The following TANC1 variants were observed in gnomAD, a reference collection of about 807,000 sequenced individuals.
TANC1 encodes the protein protein TANC1.
TANC1 carries 77 observed loss-of-function variants against 149.7 expected under a neutral mutation model. The observed-to-expected ratio is 0.51, with a 90% confidence interval of 0.43 to 0.62. TANC1 has a LOEUF of 0.62. Ranked by LOEUF, TANC1 falls within the 20% of genes least tolerant of loss-of-function variation. The pLI, the probability that TANC1 is intolerant of heterozygous loss-of-function variation, is 0.00. For missense variants in TANC1, 1,985 were observed against 2,321.8 expected (o/e 0.85, Z 2.98); for synonymous variants, 854 against 925.0 (o/e 0.92, Z 1.39).
chr2:159,018,386 A>C (rs2038483678), intron 2 of TANC1, among the ~76,000 whole-genome samples: 2 of 152,198 alleles, frequency 1.3e-5, no homozygotes, highest in African/African-American at 4.8e-5. Flanking sequence ...CTTATAGTGC[A>C]TTGGGGGTCT....
intron 16 of TANC1, among the ~76,000 whole-genome samples, chr2:159,189,223 G>C (rs923307542): frequency 1.3e-5 from 2 of 152,248 alleles, no homozygotes; most frequent in Non-Finnish European, 2.9e-5. Context: ...TCTGCTGTAG[G>C]CACCTGGGAA....
chr2:159,099,194 T>C (rs1268242456), intron 4 of TANC1, among the ~76,000 whole-genome samples: 1 of 152,210 alleles, frequency 6.6e-6, no homozygotes, highest in Non-Finnish European at 1.5e-5. Context: ...AATCCATTAA[T>C]TAGCTGGAAC....
intron 7 of TANC1, among the ~76,000 whole-genome samples, chr2:159,152,989 C>T (rs1462732240): frequency 1.4e-5 from 2 of 141,864 alleles, no homozygotes; most frequent in South Asian, 4.5e-4. Context: ...ACTGATTAGA[C>T]CCCTCTTACA....
chr2:159,195,321 T>C (rs1031402353), intron 17 of TANC1, among the ~76,000 whole-genome samples: 14 of 152,210 alleles, frequency 9.2e-5, no homozygotes, highest in Non-Finnish European at 8.8e-5. Context: ...GGTTTCACCA[T>C]GTTGGCCAGG....
chr2:158,997,735 T>C (rs746014236), intron 1 of TANC1, among the ~76,000 whole-genome samples: 1 of 152,134 alleles, frequency 6.6e-6, no homozygotes, highest in Non-Finnish European at 1.5e-5. Context: ...GTCCAAGATA[T>C]AAAATAAATA....
chr2:159,111,277 C>T (rs2047690637), intron 4 of TANC1, among the ~76,000 whole-genome samples: 2 of 152,150 alleles, frequency 1.3e-5, no homozygotes, highest in Admixed American at 6.5e-5. Context: ...GCAAGGTGGT[C>T]CAGGTTTGCT....
intron 25 of TANC1, 84 bp from the exon 26 acceptor site, chr2:159,228,712 T>C (rs753973642): frequency 3.1e-6 from 3 of 954,078 alleles, no homozygotes; most frequent in Non-Finnish European, 5.1e-6. Flanking sequence ...AGAGCGCTGC[T>C]ACCCTTTAGA....
intron 1 of TANC1, among the ~76,000 whole-genome samples, chr2:158,970,263 T>A (rs2032655963): frequency 6.6e-6 from 1 of 152,174 alleles, no homozygotes. Context: ...TCCGCTACCC[T>A]CTTTTTTCCT....
At chr2:159,172,344 G>A in intron 11 of TANC1, 72 bp downstream of exon 11, 1 of 1,447,800 alleles carries the variant, frequency 6.9e-7, no homozygotes, top group Non-Finnish European at 9.5e-7. Flanking sequence ...GAAGTAGATT[G>A]GAAAAGGGAG....
At chr2:159,196,534 A>G in intron 17 of TANC1, 74 bp from the exon 18 acceptor site, 3 of 1,349,524 alleles carry the variant, frequency 2.2e-6, no homozygotes, top group Non-Finnish European at 2.1e-6. Context: ...GTTTGCACAC[A>G]GCTAGGTGGT....
At position 159,174,813 on chromosome 2, in the gene TANC1, T is replaced by A; in HGVS notation, c.1504-140T>A. 4 of 726,614 alleles carry A rather than the reference T, an allele frequency of 5.5e-6. No individual in the cohort carries two copies. In the Admixed American group the frequency reaches 7.9e-5, roughly 14 times the overall value. 45.0% of individuals were successfully genotyped at this position (726,614 alleles called of 1,614,324 possible). A position where few individuals can be genotyped will look rare whatever the true frequency, so the allele number is the denominator to read the frequency against. On this transcript the variant is annotated intron_variant, in intron 11 of 26. Coordinates refer to ENST00000263635, the MANE Select transcript of TANC1 (RefSeq NM_033394.3). ...GAAGGAATAAATGGAACAATTATGC[T>A]AACAAATGACCCAGTCTTGGGGAAT...
At chr2:158,989,288 A>G (rs1343314326) in intron 1 of TANC1, among the ~76,000 whole-genome samples, 1 of 152,094 alleles carries the variant, frequency 6.6e-6, no homozygotes, top group African/African-American at 2.4e-5. Flanking sequence ...TGGCTCCACC[A>G]TGATTTGGGA....
intron 20 of TANC1, among the ~76,000 whole-genome samples, chr2:159,218,118 G>A (rs1487374187): frequency 1.3e-5 from 2 of 152,180 alleles, no homozygotes; most frequent in Admixed American, 1.3e-4. Context: ...ATGTATTGTT[G>A]TGGTTCATTC....
At chr2:159,017,596 A>G (rs2149406898) in intron 2 of TANC1, among the ~76,000 whole-genome samples, 1 of 152,234 alleles carries the variant, frequency 6.6e-6, no homozygotes, top group East Asian at 1.9e-4. Flanking sequence ...GGTTAATTGC[A>G]GTTTTCAAAG....
chr2:159,046,841 C>T (rs1034004332), intron 2 of TANC1, among the ~76,000 whole-genome samples: 12 of 151,818 alleles, frequency 7.9e-5, no homozygotes, highest in African/African-American at 1.9e-4. Flanking sequence ...TGAGTTCTAG[C>T]GATCCACTTG....
At chr2:159,219,168 A>ACCTG in intron 20 of TANC1, 70 bp from the exon 21 acceptor site, 1 of 1,596,480 alleles carries the variant, frequency 6.3e-7, no homozygotes. Flanking sequence ...AGGTTGAGAA[A>ACCTG]CCTGCCTGGG....
chr2:159,070,861 A>G (rs182789488), intron 3 of TANC1, among the ~76,000 whole-genome samples: 18 of 152,356 alleles, frequency 1.2e-4, no homozygotes, highest in Admixed American at 1.0e-3. Flanking sequence ...ATTGCAGCTC[A>G]TTATGGTAGC....
intron 1 of TANC1, among the ~76,000 whole-genome samples, chr2:158,983,116 C>T (rs947422688): frequency 6.6e-6 from 1 of 152,078 alleles, no homozygotes; most frequent in Non-Finnish European, 1.5e-5. Flanking sequence ...ATGTTTTGAG[C>T]TAACAAGTAG....
chr2:159,080,700 G>A (rs1014480014), intron 3 of TANC1, among the ~76,000 whole-genome samples: 1 of 152,230 alleles, frequency 6.6e-6, no homozygotes, highest in African/African-American at 2.4e-5. Flanking sequence ...CGAGGGCCTG[G>A]AATGAAGACA....
Sources: gnomAD v4.1 joint callset for allele counts (sites outside exome capture counted in the v4.1 genomes callset) on GRCh38, gnomAD v4.1.1 for gene constraint, MANE v1.5 for transcripts, NCBI Gene and HGNC (gene_info 2026-07-23, HGNC 2026-07-21) for gene names.